KIF20B: variants seen among roughly 807,000 people sequenced by gnomAD.
KIF20B encodes the protein kinesin-like protein KIF20B.
Under a neutral mutation model 232.5 loss-of-function variants are expected in KIF20B, and 188 were observed. The observed-to-expected ratio is 0.81, with a 90% confidence interval of 0.72 to 0.91. The LOEUF (loss-of-function observed/expected upper bound fraction) is 0.91. Among genes scored for constraint, KIF20B ranks in the 40% least tolerant of loss-of-function variants. KIF20B has a pLI of 0.00. For missense variants in KIF20B, 2,154 were observed against 2,055.9 expected (o/e 1.05, Z -0.92); for synonymous variants, 712 against 683.0 (o/e 1.04, Z -0.66).
At chr10:89,737,126 G>T (rs928693660) in intron 19 of KIF20B, among the ~76,000 whole-genome samples, 1 of 152,024 alleles carries the variant, frequency 6.6e-6, no homozygotes. Flanking sequence ...CTACTCAGAG[G>T]TAGGTAGCTG....
chr10:89,707,579 CT>C (rs1430026718), intron 2 of KIF20B, among the ~76,000 whole-genome samples: 2 of 149,102 alleles, frequency 1.3e-5, no homozygotes, highest in Non-Finnish European at 3.0e-5. Context: ...TCCCTTTTAC[CT>C]TTCTTTTTCC....
chr10:89,763,683 C>T (rs1003357338), intron 29 of KIF20B, among the ~76,000 whole-genome samples: 2 of 152,060 alleles, frequency 1.3e-5, no homozygotes, highest in African/African-American at 4.8e-5. Flanking sequence ...GTTGCCAAAC[C>T]TACCATGTCC....
intron 18 of KIF20B, among the ~76,000 whole-genome samples, chr10:89,731,913 A>T (rs958065555): frequency 2.6e-5 from 4 of 152,138 alleles, no homozygotes; most frequent in Non-Finnish European, 4.4e-5. Context: ...TTAAAAGGTT[A>T]TTTTTATCTG....
chr10:89,730,426 A>C (rs1355876002), intron 18 of KIF20B, among the ~76,000 whole-genome samples: 1 of 152,180 alleles, frequency 6.6e-6, no homozygotes, highest in Non-Finnish European at 1.5e-5. Flanking sequence ...CAACATAAAT[A>C]TAGTTATAAT....
rs750217355 is a variant in KIF20B, at chr10:89,754,609, G to T, written c.4439G>T (p.Arg1480Leu). 1.2e-6 allele frequency: 2 copies of T among 1,604,566 alleles called. No homozygotes were observed. Among genetic ancestry groups the T allele is most frequent in the South Asian group, 2.3e-5 (2 of 88,484 alleles). The change falls in exon 26 of 33, where the codon CGA (arginine) becomes CTA (leucine). Residue 1480 changes from arginine (R) to leucine (L), a missense_variant. Arg to Leu is a moderately radical substitution (Grantham distance 102). Coordinates refer to ENST00000371728, the MANE Select transcript of KIF20B (RefSeq NM_001284259.2). ...ITQAKEAENI[R>L]NKEMKKYAED... ...CAAGCGAAAGAAGCAGAGAATATACGAAATAAAGAGATGAAAAAATATGCT... is the reference window on the plus strand; with the variant it reads ...CAAGCGAAAGAAGCAGAGAATATACTAAATAAAGAGATGAAAAAATATGCT...
intron 1 of KIF20B, among the ~76,000 whole-genome samples, chr10:89,703,975 T>G (rs1231006418): frequency 6.6e-6 from 1 of 152,066 alleles, no homozygotes; most frequent in Non-Finnish European, 1.5e-5. Flanking sequence ...AGGGTCTCGA[T>G]CTCCTGACCT....
At chr10:89,735,409 A>G (rs965322786) in intron 19 of KIF20B, among the ~76,000 whole-genome samples, 2 of 152,178 alleles carry the variant, frequency 1.3e-5, no homozygotes, top group Non-Finnish European at 2.9e-5. Context: ...GATGAGAGAG[A>G]CAAACATATT....
In KIF20B at chr10:89,754,584, C is replaced by G. The variant is rs369170052; in HGVS notation, c.4414C>G (p.Gln1472Glu). 8.3e-5 allele frequency: 134 copies of G among 1,605,462 alleles called. No individual in the cohort carries two copies. The highest frequency in any genetic ancestry group is 1.1e-4 in the Non-Finnish European group (129 of 1,175,662). ...AGAAGAAAAAATGATGCTTATCACT[C>G]AAGCGAAAGAAGCAGAGAATATACG... ...WLEEKMMLITQAKEAENIRNK... is the reference protein window; with the variant it reads ...WLEEKMMLITEAKEAENIRNK... The change falls in exon 26 of 33, where the codon CAA (glutamine) becomes GAA (glutamate). Residue 1472 changes from glutamine to glutamate, a missense_variant. Coordinates refer to ENST00000371728, the MANE Select transcript of KIF20B (RefSeq NM_001284259.2).
intron 25 of KIF20B, 28 bp downstream of exon 25, chr10:89,752,719 T>C (rs749090769): frequency 6.9e-7 from 1 of 1,448,334 alleles, no homozygotes; most frequent in African/African-American, 1.5e-5. Flanking sequence ...TTTTTATGTA[T>C]GAATGTATCT....
In KIF20B at chr10:89,738,155, A is replaced by G. The variant is rs79579856; in HGVS notation, c.3314A>G (p.Lys1105Arg). The change falls in exon 20 of 33, where the codon AAG (lysine) becomes AGG (arginine). Residue 1105 changes from lysine to arginine, a missense_variant. Lys to Arg is a conservative substitution (Grantham distance 26). Coordinates refer to ENST00000371728, the MANE Select transcript of KIF20B (RefSeq NM_001284259.2). Reference protein sequence around the residue: ...YKDENNRLKEKEHKNQDDLLK... With the variant: ...YKDENNRLKEREHKNQDDLLK... Reference sequence around the variant, plus strand: ...GATGAAAACAATAGACTAAAGGAGAAGGAGCATAAAAACCAAGATGACCTA... The same window carrying G: ...GATGAAAACAATAGACTAAAGGAGAGGGAGCATAAAAACCAAGATGACCTA... The G allele has an allele frequency of 0.021, 34,579 of 1,609,180 alleles. 2,766 individuals carry two copies. The East Asian group carries it at 0.27, about 13-fold the overall frequency.
At position 89,763,831 on chromosome 10, in the gene KIF20B, C is replaced by CTATTTATTAATAGTTACTATTAA. The variant is rs969966986; in HGVS notation, c.4989+1011_4989+1033dup. ...ACATTTATTAATATAACTATTATTA[C>CTATTTATTAATAGTTACTATTAA]TATTTATTAATAGTTACTATTAATA... is the stretch of plus-strand genomic sequence containing the variant. On this transcript the variant is annotated intron_variant, in intron 29 of 32. Coordinates refer to ENST00000371728, the MANE Select transcript of KIF20B (RefSeq NM_001284259.2). Among the ~76,000 whole-genome samples, 900 of 148,694 alleles carry CTATTTATTAATAGTTACTATTAA rather than the reference C, an allele frequency of 6.1e-3. 6 individuals carry two copies. The highest frequency in any genetic ancestry group is 0.02 in the African/African-American group (831 of 40,878).
intron 26 of KIF20B, among the ~76,000 whole-genome samples, chr10:89,757,373 G>C (rs140522517): frequency 1.8e-4 from 28 of 151,594 alleles, no homozygotes; most frequent in Non-Finnish European, 4.0e-4. Flanking sequence ...TATACTTTTC[G>C]GGATAGAAGC....
rs115347972 is a variant in KIF20B at position 89,719,289 on chromosome 10, T to C, written c.1435-130T>C. ...TCTTTTAGGGATGGTGATTCCTGTT[T>C]GTATGTTTGTTTGAATAGTTTTTCC... On this transcript the variant is annotated intron_variant, in intron 12 of 32. Transcript: ENST00000371728. 9.3e-4 allele frequency: 593 copies of C among 639,656 alleles called. 3 individuals are homozygous for C. In the African/African-American group the frequency reaches 9.8e-3, roughly 11 times the overall value. 39.6% of individuals were successfully genotyped at this position (639,656 alleles called of 1,614,324 possible). A position where few individuals can be genotyped will look rare whatever the true frequency, so the allele number is the denominator to read the frequency against.
At position 89,715,006 on chromosome 10, in the gene KIF20B, A is replaced by G. The variant is rs188045870; in HGVS notation, c.764A>G (p.Asp255Gly). 2 of 1,601,046 alleles carry G rather than the reference A, an allele frequency of 1.2e-6. No individual in the cohort carries two copies. The highest frequency in any genetic ancestry group is 3.4e-5 in the Admixed American group (2 of 58,548). ...TCAGAGTTTGAAGAATCCATAAAAGATTATGAACAAGCCAACTTGAATATG... is the reference window on the plus strand; with the variant it reads ...TCAGAGTTTGAAGAATCCATAAAAGGTTATGAACAAGCCAACTTGAATATG... ...NISEFEESIKDYEQANLNMAN... is the reference protein window; with the variant it reads ...NISEFEESIKGYEQANLNMAN... Residue 255 changes from aspartate to glycine, a missense_variant, in exon 8 of 33, where the codon GAT (aspartate) becomes GGT (glycine). Asp to Gly is a moderately conservative substitution (Grantham distance 94). Transcript: ENST00000371728.
Position 89,755,273 on chromosome 10 carries a change from G to A in KIF20B, c.4503+600G>A, listed in dbSNP as rs534362883. ...CAGTGTCTATAAAAATAGTAACTTC[G>A]CAGTATCATATTGTCATCTGTTGGC... On this transcript the variant is annotated intron_variant, in intron 26 of 32. Coordinates refer to ENST00000371728, the MANE Select transcript of KIF20B (RefSeq NM_001284259.2). Among the ~76,000 whole-genome samples, 79 of 152,254 alleles carry A rather than the reference G, an allele frequency of 5.2e-4. 1 individual carries two copies. The highest frequency in any genetic ancestry group is 2.5e-3 in the Admixed American group (38 of 15,290).
At chr10:89,754,887 TA>T (rs1281021003) in intron 26 of KIF20B, among the ~76,000 whole-genome samples, 1 of 152,242 alleles carries the variant, frequency 6.6e-6, no homozygotes, top group East Asian at 1.9e-4. Context: ...GTTGGGAGAA[TA>T]CCTTATTGCT....
At chr10:89,772,540 G>T in intron 31 of KIF20B, 149 bp from the exon 32 acceptor site, 1 of 427,424 alleles carries the variant, frequency 2.3e-6, no homozygotes, top group Non-Finnish European at 4.2e-6. Context: ...GTCTATTCAT[G>T]CCCTTTCACC....
chr10:89,762,867 A>C, intron 29 of KIF20B, 32 bp downstream of exon 29: 2 of 1,441,982 alleles, frequency 1.4e-6, no homozygotes, highest in South Asian at 2.3e-5. Context: ...AAATTTAATG[A>C]ACAAATCTTA....
intron 2 of KIF20B, among the ~76,000 whole-genome samples, chr10:89,708,903 A>G (rs946211048): frequency 3.9e-5 from 6 of 152,196 alleles, no homozygotes; most frequent in African/African-American, 1.4e-4. Flanking sequence ...TAATTATATT[A>G]GGCTTTTGTG....
Sources: allele counts gnomAD v4.1 joint callset (sites outside exome capture counted in the v4.1 genomes callset), GRCh38; gene constraint gnomAD v4.1.1; transcripts MANE v1.5; gene names NCBI Gene and HGNC (gene_info 2026-07-23, HGNC 2026-07-21).